Variants in DGLUCY observed in about 807,000 individuals in gnomAD.
The protein encoded by DGLUCY is D-glutamate cyclase.
DGLUCY carries 58 observed loss-of-function variants against 58.5 expected under a neutral mutation model. That is an observed-to-expected ratio of 0.99 (90% CI 0.80 to 1.23). The LOEUF (loss-of-function observed/expected upper bound fraction) is 1.23, where lower values mean the gene tolerates loss of function less well. Ranked by LOEUF, DGLUCY falls within the 50% of genes most tolerant of loss-of-function variation. DGLUCY has a pLI of 0.00. For synonymous variants in DGLUCY, 325 were observed against 314.1 expected, an observed-to-expected ratio of 1.03 and a Z score of -0.37; for missense variants, 779 against 784.7, an observed-to-expected ratio of 0.99 and a Z score of 0.09.
chr14:91,194,165 C>T (rs1337040362), intron 9 of DGLUCY, among the ~76,000 whole-genome samples: 3 of 152,216 alleles, frequency 2.0e-5, no homozygotes, highest in African/African-American at 7.2e-5. Flanking sequence ...AGGTAGTTAG[C>T]ACACAGCATG....
chr14:91,113,766 G>C (rs867852025), upstream of DGLUCY, among the ~76,000 whole-genome samples: 7 of 152,224 alleles, frequency 4.6e-5, no homozygotes, highest in South Asian at 2.1e-4. Context: ...GCACACTGAA[G>C]TTTGTACAGC....
intron 11 of DGLUCY, among the ~76,000 whole-genome samples, chr14:91,202,049 C>G (rs1810795298): frequency 2.5e-5 from 1 of 39,346 alleles, no homozygotes; most frequent in Middle Eastern, 0.013. Flanking sequence ...GAGCAAGACT[C>G]TGTCTCAAAA....
chr14:91,060,520 G>A (rs2043625183), exon 1 of DGLUCY: 4 of 1,238,438 alleles, frequency 3.2e-6, no homozygotes, highest in Middle Eastern at 2.1e-4. Flanking sequence ...CCGCTGCCGC[G>A]GCCCCAGGAG....
chr14:91,147,420 A>T (rs1181736369), intron 1 of DGLUCY, among the ~76,000 whole-genome samples: 1 of 152,178 alleles, frequency 6.6e-6, no homozygotes, highest in East Asian at 1.9e-4. Flanking sequence ...AGCCACAGGC[A>T]GTACAGAATA....
chr14:91,178,549 T>C (rs1317421260), intron 7 of DGLUCY, among the ~76,000 whole-genome samples: 1 of 152,186 alleles, frequency 6.6e-6, no homozygotes, highest in Non-Finnish European at 1.5e-5. Flanking sequence ...CGTGTCATGC[T>C]CTGAGCTGAC....
chr14:91,124,753 C>A (rs567146464), intron 1 of DGLUCY, among the ~76,000 whole-genome samples: 1 of 152,284 alleles, frequency 6.6e-6, no homozygotes, highest in Non-Finnish European at 1.5e-5. Flanking sequence ...GACTTTCCTT[C>A]CCATCTAATT....
chr14:91,176,515 C>T (rs752765071), intron 7 of DGLUCY, among the ~76,000 whole-genome samples: 39 of 152,134 alleles, frequency 2.6e-4, no homozygotes, highest in Non-Finnish European at 5.1e-4. Context: ...TGAGTCATCG[C>T]GCCTGGCCTG....
intron 12 of DGLUCY, among the ~76,000 whole-genome samples, chr14:91,213,791 C>T (rs916178592): frequency 6.6e-5 from 10 of 152,092 alleles, no homozygotes; most frequent in Admixed American, 5.2e-4. Context: ...CCTCCACCTC[C>T]CGGGTTCAAG....
At chr14:91,165,061 A>T (rs1211124601) in intron 3 of DGLUCY, among the ~76,000 whole-genome samples, 2 of 152,238 alleles carry the variant, frequency 1.3e-5, no homozygotes, top group Non-Finnish European at 2.9e-5. Flanking sequence ...TACAAGACAC[A>T]GTCCTTTCCA....
chr14:91,136,588 G>A (rs1469802603), intron 1 of DGLUCY, among the ~76,000 whole-genome samples: 1 of 151,434 alleles, frequency 6.6e-6, no homozygotes, highest in African/African-American at 2.4e-5. Flanking sequence ...GGAGTCTGAG[G>A]CAGGAGAATT....
chr14:91,223,334 G>C (rs2140807674), intron 13 of DGLUCY, among the ~76,000 whole-genome samples: 1 of 152,328 alleles, frequency 6.6e-6, no homozygotes, highest in South Asian at 2.1e-4. Context: ...GATCAATGGT[G>C]GGATGAATGA....
At chr14:91,186,230 ATGT>A (rs1417600656) in intron 8 of DGLUCY, among the ~76,000 whole-genome samples, 2 of 152,090 alleles carry the variant, frequency 1.3e-5, no homozygotes, top group African/African-American at 2.4e-5. Context: ...TTATTTAAAA[ATGT>A]TGTTATTCTT....
chr14:91,122,790 G>A (rs1164586299), intron 1 of DGLUCY, among the ~76,000 whole-genome samples: 1 of 151,852 alleles, frequency 6.6e-6, no homozygotes, highest in Non-Finnish European at 1.5e-5. Context: ...TGTATTTTTA[G>A]TAGAGACAAA....
chr14:91,146,634 T>C (rs1035964883), intron 1 of DGLUCY, among the ~76,000 whole-genome samples: 15 of 152,234 alleles, frequency 9.9e-5, no homozygotes, highest in Admixed American at 2.6e-4. Flanking sequence ...CCACACACAT[T>C]GTCCCCAAGA....
chr14:91,062,763 G>T (rs1420600966), intron 1 of DGLUCY, among the ~76,000 whole-genome samples: 1 of 151,374 alleles, frequency 6.6e-6, no homozygotes, highest in African/African-American at 2.4e-5. Context: ...CAGCTCCCTG[G>T]GCTTACCTGC....
At chr14:91,132,773 C>T (rs1029775593) in intron 1 of DGLUCY, among the ~76,000 whole-genome samples, 1 of 151,898 alleles carries the variant, frequency 6.6e-6, no homozygotes, top group African/African-American at 2.4e-5. Flanking sequence ...CCACTGCGCC[C>T]AGCCAGAACT....
At chr14:91,120,807 AATC>A (rs924843257) in intron 1 of DGLUCY, among the ~76,000 whole-genome samples, 6 of 152,122 alleles carry the variant, frequency 3.9e-5, no homozygotes, top group African/African-American at 1.4e-4. Flanking sequence ...CAGTTCCTCA[AATC>A]AGCCCTTCCT....
chr14:91,158,626 C>T (rs930919740), intron 2 of DGLUCY, among the ~76,000 whole-genome samples: 1 of 152,040 alleles, frequency 6.6e-6, no homozygotes, highest in Non-Finnish European at 1.5e-5. Context: ...TGTCCAGAAC[C>T]CTCACTATGG....
chr14:91,184,525 G>A (rs1209885569), intron 8 of DGLUCY, among the ~76,000 whole-genome samples: 1 of 145,174 alleles, frequency 6.9e-6, no homozygotes, highest in Non-Finnish European at 1.5e-5. Flanking sequence ...CTGCACTCCA[G>A]CCTGGGCAAT....
Sources: gnomAD v4.1 joint callset for allele counts (sites outside exome capture counted in the v4.1 genomes callset) on GRCh38, gnomAD v4.1.1 for gene constraint, MANE v1.5 for transcripts, NCBI Gene and HGNC (gene_info 2026-07-23, HGNC 2026-07-21) for gene names.